The following NRG1 variants were observed in gnomAD, a reference collection of about 807,000 sequenced individuals.
NRG1 encodes neuregulin 1, also known as pro-neuregulin-1, membrane-bound isoform.
A neutral mutation model predicts 63.8 loss-of-function variants in NRG1; 18 were observed. The observed-to-expected ratio is 0.28, with a 90% CI of 0.19 to 0.42. NRG1 has a LOEUF of 0.42. NRG1 is among the 10% of genes least tolerant of loss of function. The pLI, the probability that NRG1 is intolerant of heterozygous loss-of-function variation, is 1.00. For missense variants in NRG1, 762 were observed against 814.7 expected (o/e 0.94, Z 0.79); for synonymous variants, 302 against 301.3 (o/e 1.00, Z -0.02).
intron 1 of NRG1, among the ~76,000 whole-genome samples, chr8:31,830,106 C>T (rs1269510476): frequency 6.6e-6 from 1 of 152,042 alleles, no homozygotes; most frequent in African/African-American, 2.4e-5. Flanking sequence ...CACAAACCAC[C>T]TTTAGCTGAG....
intron 1 of NRG1, among the ~76,000 whole-genome samples, chr8:32,583,017 C>T (rs1840941993): frequency 1.3e-5 from 2 of 151,982 alleles, no homozygotes; most frequent in Non-Finnish European, 2.9e-5. Flanking sequence ...TTGAGCATTT[C>T]GGTAACTTTT....
intron 5 of NRG1, among the ~76,000 whole-genome samples, chr8:32,671,857 G>A (rs1805724230): frequency 6.6e-6 from 1 of 152,120 alleles, no homozygotes; most frequent in Non-Finnish European, 1.5e-5. Context: ...TATGTGATTA[G>A]AAAATCATTA....
intron 1 of NRG1, among the ~76,000 whole-genome samples, chr8:31,743,502 CTAGT>C (rs1163957402): frequency 6.6e-6 from 1 of 151,902 alleles, no homozygotes; most frequent in African/African-American, 2.4e-5. Context: ...CACACTAAGA[CTAGT>C]TACCATGGTC....
chr8:32,098,145 G>C (rs1587127194), intron 1 of NRG1, among the ~76,000 whole-genome samples: 1 of 151,992 alleles, frequency 6.6e-6, no homozygotes, highest in Non-Finnish European at 1.5e-5. Context: ...AAGAGGGCCT[G>C]ATGTCATAAA....
intron 1 of NRG1, among the ~76,000 whole-genome samples, chr8:32,445,736 T>C (rs78377596): frequency 0.031 from 4,704 of 152,258 alleles, 257 homozygotes; most frequent in African/African-American, 0.11. Context: ...TCTATTAAGA[T>C]TAAGTAAGGA....
chr8:32,171,692 A>G (rs531958013), intron 1 of NRG1, among the ~76,000 whole-genome samples: 1 of 152,258 alleles, frequency 6.6e-6, no homozygotes, highest in East Asian at 1.9e-4. Flanking sequence ...GCACACCAGG[A>G]GATTATATCC....
chr8:31,988,189 C>G (rs1177084345), intron 1 of NRG1, among the ~76,000 whole-genome samples: 1 of 152,128 alleles, frequency 6.6e-6, no homozygotes, highest in Non-Finnish European at 1.5e-5. Flanking sequence ...ATGGTATTCA[C>G]TGGCATATCT....
chr8:31,853,518 C>T (rs1311133852), intron 1 of NRG1, among the ~76,000 whole-genome samples: 107 of 149,972 alleles, frequency 7.1e-4, no homozygotes, highest in South Asian at 6.3e-3. Context: ...TGGGCTGAGA[C>T]GATGGGGTTT....
intron 1 of NRG1, among the ~76,000 whole-genome samples, chr8:32,294,917 A>G (rs1324365289): frequency 2.0e-5 from 3 of 152,184 alleles, no homozygotes; most frequent in African/African-American, 7.2e-5. Flanking sequence ...GCCTCAAAAC[A>G]TATCTCAAAC....
chr8:32,418,035 G>C (rs1587518761), intron 1 of NRG1, among the ~76,000 whole-genome samples: 1 of 152,076 alleles, frequency 6.6e-6, no homozygotes, highest in African/African-American at 2.4e-5. Context: ...TAGTGGCAGA[G>C]GGAAACAGAG....
intron 1 of NRG1, chr8:32,442,572 G>C (rs1009765406): frequency 6.6e-6 from 1 of 152,210 alleles, no homozygotes; most frequent in African/African-American, 2.4e-5. Flanking sequence ...CGAAAGTCCA[G>C]TTGTTTTCCC....
intron 1 of NRG1, among the ~76,000 whole-genome samples, chr8:31,931,596 T>C (rs1227381814): frequency 1.3e-5 from 2 of 152,206 alleles, no homozygotes; most frequent in East Asian, 3.8e-4. Context: ...ATTATGTACT[T>C]AATAATTATT....
chr8:32,110,945 A>G (rs1039485227), intron 1 of NRG1, among the ~76,000 whole-genome samples: 1 of 152,146 alleles, frequency 6.6e-6, no homozygotes, highest in African/African-American at 2.4e-5. Flanking sequence ...TTAGAAAGTG[A>G]AAGGTACAGA....
At position 31,688,079 on chromosome 8, in the gene NRG1, AT is replaced by A. The variant is rs757572500; in HGVS notation, c.37+48651del. Reference sequence around the variant, plus strand: ...AACCTTCACAAAAGCTTTTGAAAATATTTATATTTTTTGTTTATAAAAGTGG... The same window carrying A: ...AACCTTCACAAAAGCTTTTGAAAATATTATATTTTTTGTTTATAAAAGTGG... On this transcript the variant is annotated intron_variant, in intron 1 of 10. Transcript: ENST00000519301. Among the ~76,000 whole-genome samples, 17 of 152,320 alleles carry A rather than the reference AT, an allele frequency of 1.1e-4. No individual in the cohort carries two copies. In the South Asian group the frequency reaches 1.4e-3, roughly 13 times the overall value.
At chr8:32,640,925 A>G (rs1038205319) in intron 5 of NRG1, among the ~76,000 whole-genome samples, 8 of 151,870 alleles carry the variant, frequency 5.3e-5, no homozygotes, top group African/African-American at 1.9e-4. Flanking sequence ...GCACCATTGC[A>G]TTCTAGCCTG....
chr8:32,094,116 C>T (rs1192341342), intron 1 of NRG1, among the ~76,000 whole-genome samples: 1 of 152,056 alleles, frequency 6.6e-6, no homozygotes, highest in Non-Finnish European at 1.5e-5. Context: ...CAGGAATAAA[C>T]AGTGAAAGAG....
chr8:32,271,568 G>C (rs1420544767), intron 1 of NRG1, among the ~76,000 whole-genome samples: 1 of 152,038 alleles, frequency 6.6e-6, no homozygotes, highest in Non-Finnish European at 1.5e-5. Flanking sequence ...TTCAAGTGTG[G>C]ACAAATGGTC....
intron 1 of NRG1, among the ~76,000 whole-genome samples, chr8:32,500,367 C>T (rs1309924357): frequency 6.6e-6 from 1 of 152,128 alleles, no homozygotes; most frequent in Admixed American, 6.5e-5. Context: ...CCCGGGCCTG[C>T]CAGAAAGTTA....
intron 1 of NRG1, among the ~76,000 whole-genome samples, chr8:31,928,488 C>T (rs771002532): frequency 2.2e-4 from 33 of 152,088 alleles, no homozygotes; most frequent in South Asian, 1.7e-3. Flanking sequence ...CCGACAATCC[C>T]ACTACTTGGT....
Sources: allele counts gnomAD v4.1 joint callset (sites outside exome capture counted in the v4.1 genomes callset), GRCh38; gene constraint gnomAD v4.1.1; transcripts MANE v1.5; gene names NCBI Gene and HGNC (gene_info 2026-07-23, HGNC 2026-07-21).